FMN1: variants seen among roughly 807,000 people sequenced by gnomAD.
FMN1 encodes formin 1.
In FMN1, 110 loss-of-function variants were observed where a neutral mutation model predicts 132.4. The ratio of observed to expected loss-of-function variants is 0.83; its 90% confidence interval spans 0.71 to 0.97. FMN1 has a LOEUF of 0.97. Ranked by LOEUF, FMN1 falls within the 50% of genes least tolerant of loss-of-function variation. FMN1 has a pLI of 0.00. For missense variants in FMN1, 1,792 were observed against 1,705.3 expected (o/e 1.05, Z -0.90); for synonymous variants, 722 against 651.7 (o/e 1.11, Z -1.64).
chr15:32,904,716 A>T (rs1176868206), intron 12 of FMN1, among the ~76,000 whole-genome samples: 1 of 152,178 alleles, frequency 6.6e-6, no homozygotes, highest in Non-Finnish European at 1.5e-5. Flanking sequence ...GCAAATTTGG[A>T]GGAAAAAAAT....
At chr15:32,991,077 A>G (rs1596412715) in intron 7 of FMN1, among the ~76,000 whole-genome samples, 1 of 152,278 alleles carries the variant, frequency 6.6e-6, no homozygotes, top group East Asian at 1.9e-4. Flanking sequence ...ACAGGTGAAG[A>G]AACACCAGCC....
At chr15:33,175,045 T>A (rs537182583) in intron 3 of FMN1, among the ~76,000 whole-genome samples, 4 of 101,276 alleles carry the variant, frequency 3.9e-5, no homozygotes, top group Middle Eastern at 6.8e-3. Context: ...TTTTTTTTTT[T>A]AGACAGGGTC....
chr15:33,186,554 A>G (rs781444869), intron 2 of FMN1, among the ~76,000 whole-genome samples: 22 of 152,292 alleles, frequency 1.4e-4, no homozygotes, highest in Non-Finnish European at 2.9e-4. Context: ...TGCAACTGTC[A>G]CTTTAAATTA....
intron 7 of FMN1, among the ~76,000 whole-genome samples, chr15:32,990,160 C>T (rs906197570): frequency 6.6e-6 from 1 of 152,030 alleles, no homozygotes; most frequent in Admixed American, 6.6e-5. Context: ...ATAAATAGGT[C>T]TGAAAAGCAC....
chr15:33,067,345 G>A (rs2037785925), intron 5 of FMN1: 1 of 1,613,790 alleles, frequency 6.2e-7, no homozygotes, highest in African/African-American at 1.3e-5. Context: ...GGTTTTCTTT[G>A]GACTCCTGAG....
intron 4 of FMN1, among the ~76,000 whole-genome samples, chr15:33,115,228 G>C (rs1236050705): frequency 6.6e-6 from 1 of 152,160 alleles, no homozygotes; most frequent in African/African-American, 2.4e-5. Flanking sequence ...ATAAAGAGCA[G>C]AGTTGCCTAA....
intron 7 of FMN1, among the ~76,000 whole-genome samples, chr15:32,997,718 G>A (rs188804741): frequency 3.3e-5 from 5 of 152,236 alleles, no homozygotes; most frequent in Non-Finnish European, 7.4e-5. Flanking sequence ...ATGCCTTCCT[G>A]AAAATGTTCT....
intron 5 of FMN1, among the ~76,000 whole-genome samples, chr15:33,072,916 C>A (rs1309851615): frequency 7.6e-5 from 11 of 144,654 alleles, no homozygotes; most frequent in Non-Finnish European, 1.3e-4. Context: ...GAACAAGACT[C>A]CATCTCAAAA....
In FMN1 at chr15:32,899,783, G is replaced by A. The variant is rs530512627; in HGVS notation, c.3654+196C>T. On this transcript the variant is annotated intron_variant, in intron 14 of 20. Coordinates refer to ENST00000616417, the MANE Select transcript of FMN1 (RefSeq NM_001277313.2). ...TGAGTAATTGAAAATAAAGTCTAAC[G>A]TGAAAAAAAAAAACCAAACAAAACT... 2.2e-4 allele frequency: 122 copies of A among 553,128 alleles called. No homozygotes were observed. The African/African-American group carries it at 3.9e-3, about 18-fold the overall frequency. 34.3% of individuals were successfully genotyped at this position (553,128 alleles called of 1,614,324 possible). A position where few individuals can be genotyped will look rare whatever the true frequency, so the allele number is the denominator to read the frequency against.
At chr15:32,849,593 A>G (rs200106923) in intron 17 of FMN1, among the ~76,000 whole-genome samples, 1 of 8,716 alleles carries the variant, frequency 1.1e-4, no homozygotes, top group Non-Finnish European at 3.9e-4. Flanking sequence ...AATTTCTGGG[A>G]AAAAAAATCC....
intron 2 of FMN1, among the ~76,000 whole-genome samples, chr15:33,184,701 G>T (rs183455837): frequency 6.6e-6 from 1 of 151,914 alleles, no homozygotes; most frequent in Non-Finnish European, 1.5e-5. Flanking sequence ...ATGGGTTTAC[G>T]CCATGTTGGC....
Position 32,794,570 on chromosome 15 carries a change from A to AAAAAAAT in FMN1, c.4130+4227_4130+4233dup, listed in dbSNP as rs548287396. On this transcript the variant is annotated intron_variant, in intron 19 of 20. Transcript: ENST00000616417. ...ATCACCCAGAATAATTCAGCAGCCA[A>AAAAAAAT]AAAAAATAAAAAATAAAAAATAAAA... Among the ~76,000 whole-genome samples, 277 of 144,912 alleles carry AAAAAAAT rather than the reference A, an allele frequency of 1.9e-3. 5 individuals are homozygous for AAAAAAAT. In the East Asian group the frequency reaches 0.039, roughly 20 times the overall value.
At chr15:32,870,690 A>C (rs771808462) in intron 16 of FMN1, among the ~76,000 whole-genome samples, 2 of 152,220 alleles carry the variant, frequency 1.3e-5, no homozygotes, top group Non-Finnish European at 2.9e-5. Context: ...CATTAGCATG[A>C]AACATATTCA....
intron 4 of FMN1, among the ~76,000 whole-genome samples, chr15:33,111,463 A>G (rs1396678680): frequency 6.6e-6 from 1 of 152,146 alleles, no homozygotes; most frequent in Non-Finnish European, 1.5e-5. Context: ...ACAACTCAGC[A>G]ATTTCACTCC....
chr15:33,093,167 A>T (rs1452734322), intron 4 of FMN1, among the ~76,000 whole-genome samples: 1 of 152,222 alleles, frequency 6.6e-6, no homozygotes, highest in African/African-American at 2.4e-5. Context: ...GACAGCAATG[A>T]CGAAGTGGTT....
At chr15:33,031,353 G>A (rs1465088673) in intron 6 of FMN1, among the ~76,000 whole-genome samples, 3 of 152,160 alleles carry the variant, frequency 2.0e-5, no homozygotes, top group African/African-American at 7.2e-5. Flanking sequence ...GCACCTGAGA[G>A]CACAAACTTC....
At chr15:32,930,208 C>G (rs1359825036) in intron 9 of FMN1, among the ~76,000 whole-genome samples, 1 of 151,916 alleles carries the variant, frequency 6.6e-6, no homozygotes, top group Non-Finnish European at 1.5e-5. Flanking sequence ...AGAATGGTCT[C>G]TATCTCCTGA....
rs202171796 is a variant in FMN1, at chr15:33,066,862, G to C, written c.2044-1788C>G. On this transcript the variant is annotated intron_variant, in intron 5 of 20. Coordinates refer to ENST00000616417, the MANE Select transcript of FMN1 (RefSeq NM_001277313.2). ...TGAGCAGCAGAGAGAGCTGCTCCAG[G>C]AGAGTGGGAGTGGCCTTCGGATCAG... The C allele has an allele frequency of 1.5e-3, 2,366 of 1,613,966 alleles. 47 individuals are homozygous for C. The South Asian group carries it at 0.022, about 15-fold the overall frequency.
intron 7 of FMN1, among the ~76,000 whole-genome samples, chr15:33,005,694 G>A (rs2034378302): frequency 6.6e-6 from 1 of 152,216 alleles, no homozygotes; most frequent in Non-Finnish European, 1.5e-5. Flanking sequence ...TTTGTGGAAA[G>A]CTAGGGTTAA....
Sources: gnomAD v4.1 joint callset for allele counts (sites outside exome capture counted in the v4.1 genomes callset) on GRCh38, gnomAD v4.1.1 for gene constraint, MANE v1.5 for transcripts, NCBI Gene and HGNC (gene_info 2026-07-23, HGNC 2026-07-21) for gene names.